SLC30A9: variants seen among roughly 807,000 people sequenced by gnomAD.
The protein encoded by SLC30A9 is proton-coupled zinc antiporter SLC30A9, mitochondrial.
SLC30A9 carries 58 observed loss-of-function variants against 87.5 expected under a neutral mutation model. That is an observed-to-expected ratio of 0.66 (90% CI 0.54 to 0.82). The LOEUF (loss-of-function observed/expected upper bound fraction) is 0.82. SLC30A9 is among the 40% of genes least tolerant of loss of function. SLC30A9 has a pLI of 0.00. For synonymous variants in SLC30A9, 234 were observed against 233.0 expected (o/e 1.00, Z -0.04); for missense variants, 557 against 679.1 (o/e 0.82, Z 2.00).
chr4:42,061,242 T>C (rs773220795), intron 10 of SLC30A9, among the ~76,000 whole-genome samples: 5 of 152,220 alleles, frequency 3.3e-5, no homozygotes, highest in Non-Finnish European at 7.3e-5. Flanking sequence ...TAACTACATG[T>C]AGCTATTGAG....
chr4:42,040,436 G>A (rs991845755), intron 8 of SLC30A9, among the ~76,000 whole-genome samples: 20 of 152,028 alleles, frequency 1.3e-4, no homozygotes, highest in African/African-American at 4.8e-4. Flanking sequence ...TTAGTATATA[G>A]ATGATAACTA....
At chr4:42,018,935 T>A (rs527912262) in intron 3 of SLC30A9, among the ~76,000 whole-genome samples, 107 of 152,130 alleles carry the variant, frequency 7.0e-4, no homozygotes, top group Middle Eastern at 3.4e-3. Context: ...GAAATTTTTT[T>A]AAAAATTTTT....
intron 8 of SLC30A9, among the ~76,000 whole-genome samples, chr4:42,042,710 A>G (rs1462772090): frequency 6.6e-6 from 1 of 152,184 alleles, no homozygotes; most frequent in African/African-American, 2.4e-5. Context: ...CTCCCAGCAC[A>G]GCGCTCGAGG....
intron 7 of SLC30A9, among the ~76,000 whole-genome samples, chr4:42,035,670 G>A (rs1343983832): frequency 2.6e-5 from 4 of 151,798 alleles, no homozygotes; most frequent in Admixed American, 6.6e-5. Flanking sequence ...TAATTTTTGT[G>A]TTTTTAGTAG....
At chr4:41,992,142 C>T (rs1230109072) in intron 1 of SLC30A9, among the ~76,000 whole-genome samples, 5 of 151,580 alleles carry the variant, frequency 3.3e-5, no homozygotes, top group African/African-American at 4.9e-5. Context: ...CCCAGGAGTT[C>T]CAAGACCAGC....
intron 14 of SLC30A9, among the ~76,000 whole-genome samples, chr4:42,068,790 A>G (rs763693911): frequency 6.6e-6 from 1 of 152,102 alleles, no homozygotes; most frequent in Non-Finnish European, 1.5e-5. Flanking sequence ...AAGTGTTTTG[A>G]GGGCCAATAA....
chr4:42,021,682 A>T (rs1022471337), intron 4 of SLC30A9, among the ~76,000 whole-genome samples: 37 of 152,290 alleles, frequency 2.4e-4, no homozygotes, highest in Admixed American at 7.2e-4. Flanking sequence ...AATGACTGTA[A>T]ATTTTTAACT....
At chr4:42,034,283 G>A (rs896520129) in intron 6 of SLC30A9, among the ~76,000 whole-genome samples, 1 of 151,862 alleles carries the variant, frequency 6.6e-6, no homozygotes, top group African/African-American at 2.4e-5. Flanking sequence ...AAAACACATA[G>A]CCCAAAATTT....
intron 2 of SLC30A9, among the ~76,000 whole-genome samples, chr4:42,011,938 A>T (rs1715462652): frequency 6.6e-6 from 1 of 152,204 alleles, no homozygotes; most frequent in Non-Finnish European, 1.5e-5. Context: ...ATTCAAATTC[A>T]GTCTGAAGGC....
intron 8 of SLC30A9, among the ~76,000 whole-genome samples, chr4:42,040,080 T>C (rs12507609): frequency 0.66 from 99,780 of 152,042 alleles, 37,050 homozygotes; most frequent in East Asian, 0.96. Context: ...TCTTAGAAGG[T>C]ATGTTCAAGG....
intron 15 of SLC30A9, among the ~76,000 whole-genome samples, chr4:42,072,596 G>A (rs994375159): frequency 7.2e-5 from 11 of 151,806 alleles, no homozygotes; most frequent in Admixed American, 6.6e-4. Flanking sequence ...TTGTTCTATT[G>A]TGGTCAAAGA....
At chr4:42,077,245 A>C (rs150277528) in intron 16 of SLC30A9, among the ~76,000 whole-genome samples, 1 of 152,156 alleles carries the variant, frequency 6.6e-6, no homozygotes, top group African/African-American at 2.4e-5. Context: ...GATAGGTGTG[A>C]AATAGTATCT....
rs543304149 is a variant in SLC30A9 at position 42,004,949 on chromosome 4, G to A, written c.274+3169G>A. On this transcript the variant is annotated intron_variant, in intron 2 of 17. Transcript: ENST00000264451. ...GATTACAGGGGTGAGCCACTATACC[G>A]GCCATATTTTTCATTTCTAGAAATT... Among the ~76,000 whole-genome samples the A allele has an allele frequency of 3.3e-5, 5 of 152,034 alleles. No homozygotes were observed. In the South Asian group the frequency reaches 6.2e-4, roughly 19 times the overall value.
chr4:41,990,768 T>C lies in SLC30A9; in HGVS notation c.109+8T>C. ...ATCCCAGCGACCGCCAGGGTGAGTGTCCCGCGCTGGCCGCTGGCTCCGTAG... is the reference window on the plus strand; with the variant it reads ...ATCCCAGCGACCGCCAGGGTGAGTGCCCCGCGCTGGCCGCTGGCTCCGTAG... On this transcript the variant is annotated splice_region_variant and intron_variant, in intron 1 of 17. Transcript: ENST00000264451. The C allele has an allele frequency of 1.3e-6, 2 of 1,599,386 alleles. 1 individual carries two copies. The highest frequency in any genetic ancestry group is 2.2e-5 in the South Asian group (2 of 90,494).
chr4:42,077,366 C>T (rs565973831), intron 16 of SLC30A9, among the ~76,000 whole-genome samples: 35 of 152,260 alleles, frequency 2.3e-4, no homozygotes, highest in Non-Finnish European at 4.4e-4. Context: ...AGTTCATTTG[C>T]ATTACACTTA....
At chr4:42,076,974 A>AGAAAG (rs375518297) in intron 16 of SLC30A9, among the ~76,000 whole-genome samples, 48 of 141,268 alleles carry the variant, frequency 3.4e-4, no homozygotes, top group Middle Eastern at 3.8e-3. Flanking sequence ...AAAAAAAAAA[A>AGAAAG]AAAGAAAGAA....
In SLC30A9 at chr4:42,023,303, T is replaced by A. The variant is rs1716053011; in HGVS notation, c.529T>A (p.Ser177Thr). 1 of 1,611,384 alleles carries A rather than the reference T, an allele frequency of 6.2e-7. No homozygotes were observed. The highest frequency in any genetic ancestry group is 1.3e-5 in the African/African-American group (1 of 75,010). ...TGGTGACCATGTGTGTATGCACAGA[T>A]CTTTGGAAGTTTGGGGAAGCCCTGA... ...VYLRSDVEAK[S>T]LEVWGSPEAL... is the part of the protein sequence containing the mutation. Residue 177 changes from serine (S) to threonine (T), a missense_variant and splice_region_variant, in exon 6 of 18, where the codon TCT becomes ACT. This residue lies in a region of SLC30A9 where 467 missense variants were observed against 529.8 expected (regional missense o/e 0.88). Coordinates refer to ENST00000264451, the MANE Select transcript of SLC30A9 (RefSeq NM_006345.4).
intron 4 of SLC30A9, 140 bp downstream of exon 4, chr4:42,020,655 T>G (rs2153135292): frequency 2.0e-6 from 1 of 498,436 alleles, no homozygotes; most frequent in South Asian, 3.5e-5. Flanking sequence ...ATATTTTTAT[T>G]CAGTCAAAAA....
chr4:41,999,391 A>G (rs1714881378), intron 1 of SLC30A9, among the ~76,000 whole-genome samples: 1 of 152,218 alleles, frequency 6.6e-6, no homozygotes, highest in African/African-American at 2.4e-5. Flanking sequence ...CACCTAATGA[A>G]TAAATGATTC....
Sources: gnomAD v4.1 joint callset for allele counts (sites outside exome capture counted in the v4.1 genomes callset) on GRCh38, gnomAD v4.1.1 for gene constraint, gnomAD v4.1.1 regional missense constraint, MANE v1.5 for transcripts, NCBI Gene and HGNC (gene_info 2026-07-23, HGNC 2026-07-21) for gene names.